Variants in TMEM91 observed in about 807,000 individuals in gnomAD.
The protein encoded by TMEM91 is transmembrane protein 91, also known as dispanin subfamily C member 3.
Under a neutral mutation model 13.3 loss-of-function variants are expected in TMEM91, and 6 were observed. The observed-to-expected ratio is 0.45, with a 90% CI of 0.25 to 0.89. The LOEUF is 0.89. Ranked by LOEUF, TMEM91 falls within the 40% of genes least tolerant of loss-of-function variation. The probability of loss-of-function intolerance (pLI) is 0.19; values close to 1 mark genes in which losing one functional copy is unlikely to be tolerated. For synonymous variants in TMEM91, 87 were observed against 101.7 expected (o/e 0.86, Z 0.87); for missense variants, 193 against 228.7 (o/e 0.84, Z 1.01).
chr19:41,368,751 C>T (rs1483769636), intron 1 of TMEM91, among the ~76,000 whole-genome samples: 1 of 151,800 alleles, frequency 6.6e-6, no homozygotes, highest in Non-Finnish European at 1.5e-5. Flanking sequence ...TTGGGCAGCC[C>T]CCTTTCAGTA....
upstream of TMEM91, among the ~76,000 whole-genome samples, chr19:41,372,671 G>C (rs2038643129): frequency 1.3e-5 from 2 of 152,096 alleles, no homozygotes; most frequent in African/African-American, 4.8e-5. Context: ...CAAAGAAATG[G>C]TATGTGTCTC....
chr19:41,369,412 C>T (rs1477996987), intron 1 of TMEM91, among the ~76,000 whole-genome samples: 1 of 151,114 alleles, frequency 6.6e-6, no homozygotes, highest in Non-Finnish European at 1.5e-5. Flanking sequence ...GAGGCTGAAG[C>T]CGGAGGATGC....
intron 1 of TMEM91, chr19:41,377,463 C>CG (rs1290581233): frequency 1.2e-4 from 12 of 98,180 alleles, no homozygotes; most frequent in Non-Finnish European, 2.2e-4. Context: ...CAGGGGACTT[C>CG]GGGGGGCAGG....
At chr19:41,383,065 C>G (rs146423571) in intron 3 of TMEM91, 144 bp downstream of exon 3, 29 of 1,259,882 alleles carry the variant, frequency 2.3e-5, no homozygotes, top group Non-Finnish European at 3.1e-5. Context: ...CCACTCTCTG[C>G]AAGATTTTTT....
intron 2 of TMEM91, among the ~76,000 whole-genome samples, chr19:41,380,953 G>A (rs1442054353): frequency 1.3e-5 from 2 of 149,176 alleles, no homozygotes; most frequent in African/African-American, 4.9e-5. Context: ...GGCCGTGGTG[G>A]TGGGTGCCTG....
chr19:41,366,909 G>T (rs1185020590), intron 1 of TMEM91, among the ~76,000 whole-genome samples: 3 of 152,126 alleles, frequency 2.0e-5, no homozygotes, highest in African/African-American at 7.2e-5. Flanking sequence ...AGGCCAAGGA[G>T]AGTGGATACC....
intron 2 of TMEM91, among the ~76,000 whole-genome samples, chr19:41,379,615 GAA>G (rs1599930644): frequency 6.6e-6 from 1 of 150,438 alleles, no homozygotes; most frequent in African/African-American, 2.4e-5. Flanking sequence ...AAGAGAGAGA[GAA>G]AGAGAGAAAG....
rs191783114 is a variant in TMEM91 at position 41,379,230 on chromosome 19, C to T, written c.210+711C>T. On this transcript the variant is annotated intron_variant, in intron 2 of 3. Transcript: ENST00000392002. ...GCACAGTGGCTCACACTGGTAATCC[C>T]AGCACTTTGAGAAGGCGAGGCAGGA... Among the ~76,000 whole-genome samples the T allele has an allele frequency of 3.1e-3, 460 of 149,080 alleles. 2 individuals are homozygous for T. The highest frequency in any genetic ancestry group is 0.011 in the African/African-American group (440 of 40,458).
intron 1 of TMEM91, among the ~76,000 whole-genome samples, chr19:41,364,693 CACTGTT>C (rs2038485156): frequency 6.6e-6 from 1 of 152,034 alleles, no homozygotes; most frequent in South Asian, 2.1e-4. Flanking sequence ...CTACCAAGTT[CACTGTT>C]ACTGCTTGAT....
intron 2 of TMEM91, 61 bp downstream of exon 2, chr19:41,378,580 G>A (rs942531471): frequency 2.6e-6 from 4 of 1,566,252 alleles, no homozygotes; most frequent in Non-Finnish European, 3.5e-6. Flanking sequence ...CCCCACTAAG[G>A]CCAGCATCTG....
At chr19:41,383,678 G>A in intron 3 of TMEM91, 37 bp from the exon 4 acceptor site, 1 of 1,613,884 alleles carries the variant, frequency 6.2e-7, no homozygotes, top group East Asian at 2.2e-5. Flanking sequence ...TGGGACTGAG[G>A]GGATGCCTGG....
At chr19:41,378,573 C>CA in intron 2 of TMEM91, 54 bp downstream of exon 2, 1 of 1,585,804 alleles carries the variant, frequency 6.3e-7, no homozygotes, top group Non-Finnish European at 8.6e-7. Flanking sequence ...GGGTGAGCCC[C>CA]ACTAAGGCCA....
chr19:41,378,246 T>G, intron 1 of TMEM91, 35 bp from the exon 2 acceptor site: 1 of 1,535,116 alleles, frequency 6.5e-7, no homozygotes, highest in Non-Finnish European at 8.9e-7. Flanking sequence ...AAGTGAGACT[T>G]TTACAACTTG....
intron 2 of TMEM91, among the ~76,000 whole-genome samples, chr19:41,379,569 AAGAG>A (rs1023694973): frequency 4.8e-5 from 7 of 146,860 alleles, no homozygotes; most frequent in African/African-American, 1.3e-4. Context: ...GAGAGAGAGA[AAGAG>A]AGAGGGAGGG....
rs1455485690 is a variant in TMEM91 at position 41,383,736 on chromosome 19, G to A, written c.382G>A (p.Gly128Arg). The A allele has an allele frequency of 3.1e-6, 5 of 1,608,864 alleles. No individual in the cohort carries two copies. Among genetic ancestry groups the A allele is most frequent in the Non-Finnish European group, 4.2e-6 (5 of 1,177,146 alleles). The change falls in exon 4 of 4, where the codon GGG (glycine) becomes AGG (arginine). Residue 128 changes from glycine (G) to arginine (R), a missense_variant. Gly to Arg is a moderately radical substitution (Grantham distance 125). Transcript: ENST00000392002. ...AQKTNKAWAK[G>R]DIQGAGAASR... The stretch of plus-strand genomic sequence containing the variant: ...ACAGACCAACAAGGCTTGGGCCAAG[G>A]GGGACATCCAGGGGGCAGGGGCCGC...
At chr19:41,381,951 C>G (rs1187382935) in intron 2 of TMEM91, among the ~76,000 whole-genome samples, 1 of 152,046 alleles carries the variant, frequency 6.6e-6, no homozygotes, top group Non-Finnish European at 1.5e-5. Context: ...CTGCAACCTC[C>G]ACATCCTGGG....
At chr19:41,366,789 AC>A (rs2038534907) in intron 1 of TMEM91, among the ~76,000 whole-genome samples, 1 of 152,106 alleles carries the variant, frequency 6.6e-6, no homozygotes, top group Admixed American at 6.6e-5. Context: ...TCCCATGTAT[AC>A]ATGTTAAATA....
At chr19:41,380,550 T>G (rs13345590) in intron 2 of TMEM91, among the ~76,000 whole-genome samples, 95,139 of 151,474 alleles carry the variant, frequency 0.63, 30,439 homozygotes, top group African/African-American at 0.73. Context: ...CAAGACAAGT[T>G]AATTGCTTGA....
chr19:41,383,055 C>A, intron 3 of TMEM91, 134 bp downstream of exon 3: 2 of 1,305,368 alleles, frequency 1.5e-6, no homozygotes, highest in South Asian at 1.4e-5. Context: ...CCTGAGTCTG[C>A]CACTCTCTGC....
Sources: allele counts gnomAD v4.1 joint callset (sites outside exome capture counted in the v4.1 genomes callset), GRCh38; gene constraint gnomAD v4.1.1; transcripts MANE v1.5; gene names NCBI Gene and HGNC (gene_info 2026-07-23, HGNC 2026-07-21).